VPS13A: variants seen among roughly 807,000 people sequenced by gnomAD.
VPS13A encodes the protein intermembrane lipid transfer protein VPS13A.
Under a neutral mutation model 390.9 loss-of-function variants are expected in VPS13A, and 264 were observed. The ratio of observed to expected loss-of-function variants is 0.68; its 90% CI spans 0.61 to 0.75. The LOEUF (loss-of-function observed/expected upper bound fraction) is 0.75, where lower values mean the gene tolerates loss of function less well. Among genes scored for constraint, VPS13A ranks in the 30% least tolerant of loss-of-function variants. The pLI is 0.00. For missense variants in VPS13A, 3,409 were observed against 3,733.9 expected, an observed-to-expected ratio of 0.91 and a Z score of 2.27; for synonymous variants, 1,231 against 1,227.1, an observed-to-expected ratio of 1.00 and a Z score of -0.07.
intron 3 of VPS13A, among the ~76,000 whole-genome samples, chr9:77,204,930 A>G (rs918230714): frequency 2.6e-5 from 4 of 152,162 alleles, no homozygotes; most frequent in African/African-American, 4.8e-5. Context: ...CGCCTGGCCT[A>G]ATCTACCATC....
chr9:77,319,817 A>G (rs1340019630), intron 42 of VPS13A, 144 bp downstream of exon 42: 2 of 506,470 alleles, frequency 3.9e-6, no homozygotes, highest in Non-Finnish European at 6.8e-6. Context: ...CTGCACATGT[A>G]TAGCCTCCCC....
intron 70 of VPS13A, 44 bp from the exon 71 acceptor site, chr9:77,407,489 C>T: frequency 2.0e-6 from 3 of 1,513,712 alleles, no homozygotes; most frequent in Non-Finnish European, 2.8e-6. Flanking sequence ...TGGATTTTTA[C>T]AACCAGATTA....
chr9:77,356,567 C>A, intron 54 of VPS13A, 147 bp from the exon 55 acceptor site: 1 of 887,068 alleles, frequency 1.1e-6, no homozygotes, highest in Non-Finnish European at 1.7e-6. Context: ...TGAATGAATT[C>A]ATGTTTTTAA....
chr9:77,353,758 T>A, intron 54 of VPS13A, 117 bp downstream of exon 54: 2 of 1,039,552 alleles, frequency 1.9e-6, no homozygotes, highest in Non-Finnish European at 2.9e-6. Flanking sequence ...TATTCATTGA[T>A]ACTGTGGTAG....
chr9:77,327,445 G>T (rs1830069502), intron 45 of VPS13A, among the ~76,000 whole-genome samples: 1 of 151,924 alleles, frequency 6.6e-6, no homozygotes, highest in African/African-American at 2.4e-5. Context: ...AGTTTTTCTA[G>T]AATTAAAAAT....
At chr9:77,294,842 A>G (rs1235677079) in intron 32 of VPS13A, among the ~76,000 whole-genome samples, 1 of 152,134 alleles carries the variant, frequency 6.6e-6, no homozygotes. Flanking sequence ...AGATTAAATT[A>G]GTAGGGACAA....
intron 33 of VPS13A, among the ~76,000 whole-genome samples, chr9:77,297,635 T>C (rs1191525470): frequency 6.6e-6 from 1 of 151,782 alleles, no homozygotes; most frequent in Non-Finnish European, 1.5e-5. Context: ...TACTCCATCC[T>C]AGATGGAAGG....
intron 47 of VPS13A, chr9:77,338,311 A>C (rs1830642918): frequency 6.6e-6 from 1 of 152,140 alleles, no homozygotes; most frequent in Non-Finnish European, 1.5e-5. Context: ...TGGAGGAAAA[A>C]GTTAACATAT....
intron 71 of VPS13A, among the ~76,000 whole-genome samples, chr9:77,412,205 A>G (rs1010104246): frequency 3.9e-4 from 59 of 152,342 alleles, no homozygotes; most frequent in South Asian, 8.3e-4. Flanking sequence ...AACTATTCCA[A>G]TCAATAGAAA....
At chr9:77,307,189 C>G (rs1274717396) in intron 34 of VPS13A, among the ~76,000 whole-genome samples, 1 of 152,046 alleles carries the variant, frequency 6.6e-6, no homozygotes, top group Non-Finnish European at 1.5e-5. Flanking sequence ...ACAGGCGTGA[C>G]CCATCACACC....
intron 34 of VPS13A, among the ~76,000 whole-genome samples, chr9:77,307,165 A>G (rs1828804866): frequency 6.6e-6 from 1 of 152,106 alleles, no homozygotes; most frequent in African/African-American, 2.4e-5. Context: ...TCAGCCTCCC[A>G]GAGTGCTGGG....
At chr9:77,373,600 C>T (rs1832903528) in intron 67 of VPS13A, among the ~76,000 whole-genome samples, 1 of 149,706 alleles carries the variant, frequency 6.7e-6, no homozygotes. Context: ...TCCAAAACAC[C>T]AAAAACAATG....
Position 77,360,853 on chromosome 9 carries a change from G to A in VPS13A, c.8211+212G>A, listed in dbSNP as rs939200998. Reference sequence around the variant, plus strand: ...GGAAAGGCTTGGGGTGAATAGCAGGGAGAAAAGGATAATTTGTCATGTTCA... The same window carrying A: ...GGAAAGGCTTGGGGTGAATAGCAGGAAGAAAAGGATAATTTGTCATGTTCA... On this transcript the variant is annotated intron_variant, in intron 59 of 71. Coordinates refer to ENST00000360280, the MANE Select transcript of VPS13A (RefSeq NM_033305.3). Among the ~76,000 whole-genome samples the A allele has an allele frequency of 3.3e-5, 5 of 152,016 alleles. No homozygotes were observed. The East Asian group carries it at 9.6e-4, about 29-fold the overall frequency.
chr9:77,302,296 A>G (rs1282252096), intron 33 of VPS13A, among the ~76,000 whole-genome samples: 1 of 151,652 alleles, frequency 6.6e-6, no homozygotes, highest in Non-Finnish European at 1.5e-5. Flanking sequence ...TTTACTATAC[A>G]ACTTACAACT....
intron 23 of VPS13A, among the ~76,000 whole-genome samples, chr9:77,264,034 T>A (rs1021569402): frequency 3.9e-5 from 6 of 151,966 alleles, no homozygotes; most frequent in Non-Finnish European, 7.4e-5. Context: ...TTTGTCAGAT[T>A]TGTCTTTAAA....
intron 17 of VPS13A, among the ~76,000 whole-genome samples, chr9:77,233,243 T>C (rs1449520625): frequency 6.6e-6 from 1 of 152,140 alleles, no homozygotes; most frequent in African/African-American, 2.4e-5. Context: ...CTATGGTGTG[T>C]CATAATGCCT....
intron 71 of VPS13A, among the ~76,000 whole-genome samples, chr9:77,412,645 C>A (rs1016807680): frequency 7.9e-5 from 12 of 152,098 alleles, no homozygotes. Flanking sequence ...CAATATCATA[C>A]CGAATGGGCA....
chr9:77,234,421 T>C (rs994349213), intron 17 of VPS13A, among the ~76,000 whole-genome samples: 1 of 152,228 alleles, frequency 6.6e-6, no homozygotes, highest in Non-Finnish European at 1.5e-5. Context: ...TTTCATCCTT[T>C]CACTTTCAAC....
rs769061748 is a variant in VPS13A at position 77,357,683 on chromosome 9, A to G, written c.7807-9A>G. Reference sequence around the variant, plus strand: ...TTAATTTTTTCATTTGGGGGGACATATTTTTCAGGTTCGCCTAACCCCTAC... The same window carrying G: ...TTAATTTTTTCATTTGGGGGGACATGTTTTTCAGGTTCGCCTAACCCCTAC... On this transcript the variant is annotated splice_polypyrimidine_tract_variant and intron_variant, in intron 55 of 71. Coordinates refer to ENST00000360280, the MANE Select transcript of VPS13A (RefSeq NM_033305.3). The G allele has an allele frequency of 6.2e-7, 1 of 1,613,310 alleles. No individual in the cohort carries two copies. The highest frequency in any genetic ancestry group is 1.1e-5 in the South Asian group (1 of 90,956).
Sources: allele counts gnomAD v4.1 joint callset (sites outside exome capture counted in the v4.1 genomes callset), GRCh38; gene constraint gnomAD v4.1.1; transcripts MANE v1.5; gene names NCBI Gene and HGNC (gene_info 2026-07-23, HGNC 2026-07-21).